The following ZNF277 variants were observed in gnomAD, a reference collection of about 807,000 sequenced individuals.
The protein encoded by ZNF277 is zinc finger protein 277, also known as nuclear receptor-interacting factor 4.
In ZNF277, 55 loss-of-function variants were observed where a neutral mutation model predicts 60.7. The ratio of observed to expected loss-of-function variants is 0.91; its 90% confidence interval spans 0.73 to 1.13. The LOEUF is 1.13. ZNF277 is among the 50% of genes most tolerant of loss of function. The pLI, the probability that ZNF277 is intolerant of heterozygous loss-of-function variation, is 0.00. For missense variants in ZNF277, 510 were observed against 523.0 expected (o/e 0.98, Z 0.24); for synonymous variants, 178 against 179.3 (o/e 0.99, Z 0.06).
chr7:112,255,000 A>AC lies in ZNF277; in HGVS notation c.92-31873_92-31872insC, dbSNP rs572263793. On this transcript the variant is annotated intron_variant, in intron 1 of 11. Transcript: ENST00000361822. ...AGAAACAAAACAAACAAACAAACAA[A>AC]AAAAACAAGTGATTGCCATTTACTC... is the stretch of plus-strand genomic sequence containing the variant. 2.5e-4 allele frequency among the ~76,000 whole-genome samples: 38 copies of AC among 152,224 alleles called. 1 individual carries two copies. The South Asian group carries it at 7.9e-3, about 32-fold the overall frequency.
Position 112,298,486 on chromosome 7 carries a change from A to G in ZNF277, c.465+2175A>G, listed in dbSNP as rs183533312. On this transcript the variant is annotated intron_variant, in intron 4 of 11. Coordinates refer to ENST00000361822, the MANE Select transcript of ZNF277 (RefSeq NM_021994.3). ...TTTTATGGGGAGGAGTATGAGATAAATTTGAAGAGGTAAAATGGAGCTAAA... is the reference window on the plus strand; with the variant it reads ...TTTTATGGGGAGGAGTATGAGATAAGTTTGAAGAGGTAAAATGGAGCTAAA... Among the ~76,000 whole-genome samples the G allele has an allele frequency of 1.1e-4, 17 of 152,288 alleles. 1 individual carries two copies. In the East Asian group the frequency reaches 3.3e-3, roughly 29 times the overall value.
intron 1 of ZNF277, among the ~76,000 whole-genome samples, chr7:112,211,097 G>A (rs1028732619): frequency 6.6e-6 from 1 of 152,140 alleles, no homozygotes; most frequent in Admixed American, 6.5e-5. Flanking sequence ...TTGGATTCTG[G>A]ACCTTATTAT....
intron 1 of ZNF277, among the ~76,000 whole-genome samples, chr7:112,246,193 G>A (rs145054848): frequency 4.4e-3 from 667 of 151,984 alleles, no homozygotes; most frequent in Non-Finnish European, 6.1e-3. Flanking sequence ...AGACCAGCCC[G>A]GGCAACATGG....
intron 2 of ZNF277, among the ~76,000 whole-genome samples, chr7:112,290,603 T>C (rs1792186061): frequency 6.6e-6 from 1 of 152,208 alleles, no homozygotes; most frequent in Non-Finnish European, 1.5e-5. Context: ...TCAACTGTCC[T>C]TCTAATTAAG....
chr7:112,271,572 A>G (rs1253165258), intron 1 of ZNF277, among the ~76,000 whole-genome samples: 2 of 152,228 alleles, frequency 1.3e-5, no homozygotes, highest in Admixed American at 1.3e-4. Context: ...ATTTTTTAAA[A>G]GCAGCCCAAA....
At chr7:112,341,688 T>C (rs1793448407) in intron 11 of ZNF277, among the ~76,000 whole-genome samples, 1 of 152,186 alleles carries the variant, frequency 6.6e-6, no homozygotes, top group Non-Finnish European at 1.5e-5. Flanking sequence ...TTCCCAAGTA[T>C]CCTTTGCCAA....
intron 1 of ZNF277, among the ~76,000 whole-genome samples, chr7:112,273,071 G>A (rs1791712729): frequency 6.6e-6 from 1 of 152,176 alleles, no homozygotes; most frequent in Non-Finnish European, 1.5e-5. Context: ...CGTGGCTGGT[G>A]TCTCACTGGG....
At chr7:112,310,410 C>T (rs977450681) in intron 4 of ZNF277, among the ~76,000 whole-genome samples, 4 of 147,224 alleles carry the variant, frequency 2.7e-5, no homozygotes, top group Non-Finnish European at 5.9e-5. Context: ...CCCTTGTCTG[C>T]CAAAGCTGAG....
At chr7:112,310,490 T>TAA (rs1563224381) in intron 4 of ZNF277, among the ~76,000 whole-genome samples, 1 of 100,570 alleles carries the variant, frequency 9.9e-6, no homozygotes, top group African/African-American at 5.3e-5. Flanking sequence ...TGTGTGTGTG[T>TAA]GTATGTATTT....
chr7:112,312,537 T>C (rs572435234), intron 4 of ZNF277, among the ~76,000 whole-genome samples: 1 of 152,118 alleles, frequency 6.6e-6, no homozygotes, highest in African/African-American at 2.4e-5. Context: ...TAAAGCATCA[T>C]CGTATCTGCA....
In ZNF277 at chr7:112,298,874, A is replaced by G. The variant is rs564150709; in HGVS notation, c.465+2563A>G. 2.0e-5 allele frequency among the ~76,000 whole-genome samples: 3 copies of G among 152,288 alleles called. No individual in the cohort carries two copies. In the South Asian group the frequency reaches 6.2e-4, roughly 32 times the overall value. ...GTTTCAAACCAAACATTCCAGGTACATGCCTTTTAAGCCATGCCATGCCAG... is the reference window on the plus strand; with the variant it reads ...GTTTCAAACCAAACATTCCAGGTACGTGCCTTTTAAGCCATGCCATGCCAG... On this transcript the variant is annotated intron_variant, in intron 4 of 11. Coordinates refer to ENST00000361822, the MANE Select transcript of ZNF277 (RefSeq NM_021994.3).
chr7:112,286,643 C>A (rs75121440), intron 1 of ZNF277, among the ~76,000 whole-genome samples: 1,846 of 152,178 alleles, frequency 0.012, 42 homozygotes, highest in African/African-American at 0.042. Flanking sequence ...TTCAAGCAAG[C>A]AAATGAGGGG....
chr7:112,253,844 G>A (rs545265689), intron 1 of ZNF277, among the ~76,000 whole-genome samples: 53 of 152,260 alleles, frequency 3.5e-4, no homozygotes, highest in African/African-American at 1.1e-3. Context: ...AGAAATACCA[G>A]AAACTGTACA....
At chr7:112,217,878 C>T (rs1374995451) in intron 1 of ZNF277, among the ~76,000 whole-genome samples, 2 of 152,072 alleles carry the variant, frequency 1.3e-5, no homozygotes, top group Non-Finnish European at 2.9e-5. Flanking sequence ...CTGGTACCAC[C>T]GTATCAATAA....
intron 1 of ZNF277, among the ~76,000 whole-genome samples, chr7:112,255,299 A>G (rs1187705927): frequency 1.3e-5 from 2 of 152,198 alleles, no homozygotes; most frequent in East Asian, 3.8e-4. Flanking sequence ...GAGAATTGCA[A>G]AAAGGACACA....
intron 1 of ZNF277, among the ~76,000 whole-genome samples, chr7:112,221,179 A>C (rs1250341027): frequency 6.6e-6 from 1 of 152,132 alleles, no homozygotes; most frequent in Non-Finnish European, 1.5e-5. Flanking sequence ...TCGTTCCTGC[A>C]TGGCTAAGTG....
intron 1 of ZNF277, among the ~76,000 whole-genome samples, chr7:112,274,320 G>A (rs1261699995): frequency 3.9e-5 from 6 of 151,912 alleles, no homozygotes; most frequent in Non-Finnish European, 7.4e-5. Context: ...ACCATGCCCA[G>A]CTGATTTTTT....
intron 2 of ZNF277, among the ~76,000 whole-genome samples, chr7:112,289,483 A>G (rs1186913865): frequency 3.3e-5 from 5 of 152,342 alleles, no homozygotes; most frequent in African/African-American, 1.2e-4. Flanking sequence ...ACATGCTCTC[A>G]TAGGACATAC....
intron 9 of ZNF277, 101 bp from the exon 10 acceptor site, chr7:112,339,742 G>A: frequency 8.3e-7 from 1 of 1,206,024 alleles, no homozygotes; most frequent in Non-Finnish European, 1.2e-6. Flanking sequence ...CTCAGACTGA[G>A]TTTCTAAACT....
Sources: gnomAD v4.1 joint callset for allele counts (sites outside exome capture counted in the v4.1 genomes callset) on GRCh38, gnomAD v4.1.1 for gene constraint, MANE v1.5 for transcripts, NCBI Gene and HGNC (gene_info 2026-07-23, HGNC 2026-07-21) for gene names.